Variants in SULF1 observed in about 807,000 individuals in gnomAD.
SULF1 encodes extracellular sulfatase Sulf-1.
A neutral mutation model predicts 110.5 loss-of-function variants in SULF1; 46 were observed. The observed-to-expected ratio is 0.42, with a 90% confidence interval of 0.33 to 0.53. SULF1 has a LOEUF of 0.53. Ranked by LOEUF, SULF1 falls within the 20% of genes least tolerant of loss-of-function variation. The pLI is 0.12. For missense variants in SULF1, 941 were observed against 1,094.2 expected (o/e 0.86, Z 1.98); for synonymous variants, 371 against 387.1 (o/e 0.96, Z 0.49).
intron 3 of SULF1, among the ~76,000 whole-genome samples, chr8:69,502,411 G>C (rs1218346820): frequency 6.6e-6 from 1 of 152,290 alleles, no homozygotes; most frequent in South Asian, 2.1e-4. Context: ...TCCTTGGCCA[G>C]ATAAACATTA....
intron 3 of SULF1, among the ~76,000 whole-genome samples, chr8:69,522,325 A>G (rs912291196): frequency 6.6e-6 from 1 of 152,318 alleles, no homozygotes; most frequent in African/African-American, 2.4e-5. Context: ...AATTACAGGC[A>G]TGAGCCACCG....
intron 3 of SULF1, among the ~76,000 whole-genome samples, chr8:69,527,311 G>A (rs973638992): frequency 2.6e-5 from 4 of 152,050 alleles, no homozygotes; most frequent in African/African-American, 7.2e-5. Flanking sequence ...AATAACACTA[G>A]CAGACAGATT....
At chr8:69,626,835 T>C (rs1166803469) in intron 15 of SULF1, among the ~76,000 whole-genome samples, 1 of 152,180 alleles carries the variant, frequency 6.6e-6, no homozygotes, top group Non-Finnish European at 1.5e-5. Context: ...GCAGCCCCGG[T>C]TCCCATTCGC....
rs776467200 is a variant in SULF1 at position 69,621,139 on chromosome 8, T to C, written c.1482T>C (p.Ala494=). The change falls in exon 14 of 23, where the codon GCT becomes GCC. Residue 494 remains alanine (A), a synonymous_variant. Transcript: ENST00000402687. ...GGCAGAGCACGCGGAACCTCTACGC[T>C]CGCGGCTTCCATGACAAAGACAAAG... ...TVRQSTRNLY[A]RGFHDKDKEC... is the part of the protein sequence containing the mutation. The C allele has an allele frequency of 5.0e-6, 8 of 1,614,018 alleles. No individual in the cohort carries two copies. Among genetic ancestry groups the C allele is most frequent in the African/African-American group, 1.3e-5 (1 of 74,922 alleles).
chr8:69,536,405 G>A (rs1490087648), intron 3 of SULF1, among the ~76,000 whole-genome samples: 1 of 152,186 alleles, frequency 6.6e-6, no homozygotes, highest in Non-Finnish European at 1.5e-5. Context: ...CCATGATCCT[G>A]AGTATCATTA....
intron 19 of SULF1, among the ~76,000 whole-genome samples, chr8:69,632,995 G>A (rs1265138609): frequency 6.6e-6 from 1 of 151,216 alleles, no homozygotes; most frequent in Non-Finnish European, 1.5e-5. Context: ...TCCAGCCTGG[G>A]TGACAGAGTG....
rs574739553 is a variant in SULF1 at position 69,513,080 on chromosome 8, A to G, written c.-134+11112A>G. 3.3e-5 allele frequency among the ~76,000 whole-genome samples: 5 copies of G among 152,272 alleles called. No homozygotes were observed. In the East Asian group the frequency reaches 9.6e-4, roughly 29 times the overall value. The stretch of plus-strand genomic sequence containing the variant: ...TTTTAGACTAGGATATTATCTGTCT[A>G]TTTATTCTTAGATTTAGCACAGTAC... On this transcript the variant is annotated intron_variant, in intron 3 of 22. Transcript: ENST00000402687.
chr8:69,577,807 G>T (rs749063847), intron 6 of SULF1, among the ~76,000 whole-genome samples: 22 of 152,152 alleles, frequency 1.4e-4, no homozygotes, highest in Non-Finnish European at 2.9e-4. Context: ...AATTGTCTAT[G>T]GTCATGAGCT....
intron 19 of SULF1, among the ~76,000 whole-genome samples, chr8:69,630,436 G>A (rs752740422): frequency 2.0e-5 from 3 of 152,168 alleles, no homozygotes; most frequent in Non-Finnish European, 2.9e-5. Flanking sequence ...CTCAAACTGG[G>A]ATTTGGAGAC....
At chr8:69,632,350 C>A (rs561008780) in intron 19 of SULF1, among the ~76,000 whole-genome samples, 2 of 152,204 alleles carry the variant, frequency 1.3e-5, no homozygotes, top group East Asian at 3.9e-4. Flanking sequence ...GGATCCTGTA[C>A]ACATATGTGC....
At chr8:69,579,447 G>C (rs1409459860) in intron 6 of SULF1, among the ~76,000 whole-genome samples, 1 of 151,554 alleles carries the variant, frequency 6.6e-6, no homozygotes, top group African/African-American at 2.4e-5. Flanking sequence ...TACTCAGGAG[G>C]CTGAGGCAGG....
At chr8:69,611,936 G>T (rs1204271027) in intron 13 of SULF1, among the ~76,000 whole-genome samples, 3 of 151,912 alleles carry the variant, frequency 2.0e-5, no homozygotes, top group Non-Finnish European at 4.4e-5. Flanking sequence ...TGAGATTTTA[G>T]TGCACCCATC....
At chr8:69,486,495 T>C (rs866021805) in intron 1 of SULF1, among the ~76,000 whole-genome samples, 5 of 152,042 alleles carry the variant, frequency 3.3e-5, no homozygotes, top group African/African-American at 9.7e-5. Flanking sequence ...CCTTTTTTTT[T>C]CCAGACTAAT....
At chr8:69,627,426 CA>C (rs5892211) in intron 16 of SULF1, 120 bp downstream of exon 16, 32,730 of 540,156 alleles carry the variant, frequency 0.061, 675 homozygotes, top group Non-Finnish European at 0.078. Flanking sequence ...TGAAAAAATA[CA>C]AAAAAAAAAA....
intron 8 of SULF1, among the ~76,000 whole-genome samples, chr8:69,594,192 C>T (rs759233742): frequency 1.1e-4 from 16 of 152,154 alleles, no homozygotes; most frequent in Non-Finnish European, 1.5e-5. Flanking sequence ...GCTGGAATTA[C>T]AGGCATGCGC....
chr8:69,509,809 C>T (rs1811435960), intron 3 of SULF1, among the ~76,000 whole-genome samples: 1 of 152,218 alleles, frequency 6.6e-6, no homozygotes, highest in Admixed American at 6.5e-5. Context: ...ATGTCATATA[C>T]AGTATCAGCT....
chr8:69,567,339 G>T (rs898846687), intron 5 of SULF1, among the ~76,000 whole-genome samples: 6 of 152,062 alleles, frequency 3.9e-5, no homozygotes, highest in African/African-American at 1.2e-4. Context: ...TTTGGGTGTT[G>T]GTTGTTTTGT....
chr8:69,548,493 T>C lies in SULF1; in HGVS notation c.-133-15046T>C, dbSNP rs188255325. On this transcript the variant is annotated intron_variant, in intron 3 of 22. Transcript: ENST00000402687. Reference sequence around the variant, plus strand: ...TGGAGTCTCACTCTGTCGCTCAAGCTAGAGTGTGCAGTGGCATGATCTCGG... The same window carrying C: ...TGGAGTCTCACTCTGTCGCTCAAGCCAGAGTGTGCAGTGGCATGATCTCGG... Among the ~76,000 whole-genome samples, 12 of 151,114 alleles carry C rather than the reference T, an allele frequency of 7.9e-5. No individual in the cohort carries two copies. In the East Asian group the frequency reaches 2.4e-3, roughly 30 times the overall value.
intron 15 of SULF1, among the ~76,000 whole-genome samples, chr8:69,624,764 G>T (rs866692215): frequency 1.3e-5 from 2 of 152,188 alleles, no homozygotes; most frequent in Admixed American, 1.3e-4. Flanking sequence ...AGAGGGCCCT[G>T]GAAGTCAAGG....
Sources: gnomAD v4.1 joint callset for allele counts (sites outside exome capture counted in the v4.1 genomes callset) on GRCh38, gnomAD v4.1.1 for gene constraint, MANE v1.5 for transcripts, NCBI Gene and HGNC (gene_info 2026-07-23, HGNC 2026-07-21) for gene names.